ADCY9: variants seen among roughly 807,000 people sequenced by gnomAD.
The protein encoded by ADCY9 is adenylate cyclase type 9.
A neutral mutation model predicts 101.5 loss-of-function variants in ADCY9; 50 were observed. That is an observed-to-expected ratio of 0.49 (90% CI 0.39 to 0.62). The LOEUF (loss-of-function observed/expected upper bound fraction) is 0.62. Ranked by LOEUF, ADCY9 falls within the 20% of genes least tolerant of loss-of-function variation. The pLI, the probability that ADCY9 is intolerant of heterozygous loss-of-function variation, is 0.00. For synonymous variants in ADCY9, 905 were observed against 769.3 expected, an observed-to-expected ratio of 1.18 and a Z score of -2.92; for missense variants, 1,662 against 1,800.4, an observed-to-expected ratio of 0.92 and a Z score of 1.39.
chr16:3,980,710 C>T (rs2056134237), intron 7 of ADCY9, among the ~76,000 whole-genome samples: 1 of 152,334 alleles, frequency 6.6e-6, no homozygotes, highest in South Asian at 2.1e-4. Context: ...CCCTGGCTTC[C>T]TGATATTTAA....
At chr16:3,988,782 G>A (rs1229919606) in intron 6 of ADCY9, among the ~76,000 whole-genome samples, 4 of 152,298 alleles carry the variant, frequency 2.6e-5, no homozygotes, top group East Asian at 3.9e-4. Context: ...GCGAGGCTGC[G>A]CTTTAAGACA....
intron 3 of ADCY9, among the ~76,000 whole-genome samples, chr16:4,005,026 C>T (rs1294121617): frequency 3.3e-5 from 5 of 152,030 alleles, no homozygotes; most frequent in Admixed American, 2.6e-4. Flanking sequence ...GGTGTGACCA[C>T]ATTAGCCCTG....
intron 2 of ADCY9, among the ~76,000 whole-genome samples, chr16:4,073,772 G>C (rs1285607429): frequency 6.6e-6 from 1 of 152,100 alleles, no homozygotes; most frequent in Non-Finnish European, 1.5e-5. Flanking sequence ...ATTCCCAGAA[G>C]ACCTGTAGCA....
At chr16:4,061,060 T>C (rs990822962) in intron 2 of ADCY9, among the ~76,000 whole-genome samples, 1 of 150,982 alleles carries the variant, frequency 6.6e-6, no homozygotes. Flanking sequence ...AATTCTAGAG[T>C]TCAAAAGTAT....
chr16:4,101,934 G>A (rs1198271863), intron 2 of ADCY9, among the ~76,000 whole-genome samples: 1 of 152,230 alleles, frequency 6.6e-6, no homozygotes, highest in Middle Eastern at 3.4e-3. Flanking sequence ...TGCCAAGTTC[G>A]GCAGCTAGAG....
intron 3 of ADCY9, among the ~76,000 whole-genome samples, chr16:4,006,045 TA>T (rs1472470237): frequency 2.6e-5 from 4 of 152,128 alleles, no homozygotes; most frequent in Admixed American, 6.5e-5. Context: ...ACATGAGCTT[TA>T]CACATGTGCC....
chr16:4,086,532 A>G (rs1439458409), intron 2 of ADCY9, among the ~76,000 whole-genome samples: 1 of 152,130 alleles, frequency 6.6e-6, no homozygotes, highest in African/African-American at 2.4e-5. Flanking sequence ...CAGCCCAGAG[A>G]AAGTTGACAC....
intron 2 of ADCY9, among the ~76,000 whole-genome samples, chr16:4,052,843 C>G (rs1045257673): frequency 1.3e-5 from 2 of 152,148 alleles, no homozygotes; most frequent in African/African-American, 4.8e-5. Flanking sequence ...ACTGCTGGGG[C>G]GGGGTCCCGT....
At chr16:4,063,187 G>T (rs1045746703) in intron 2 of ADCY9, among the ~76,000 whole-genome samples, 2 of 152,080 alleles carry the variant, frequency 1.3e-5, no homozygotes, top group African/African-American at 4.8e-5. Flanking sequence ...ATCAAGAACA[G>T]AAATAAATTT....
chr16:4,098,366 T>A (rs1392132340), intron 2 of ADCY9, among the ~76,000 whole-genome samples: 1 of 152,002 alleles, frequency 6.6e-6, no homozygotes, highest in Non-Finnish European at 1.5e-5. Context: ...CCCGAGTAGC[T>A]GGGACTACAG....
At chr16:4,097,179 C>T (rs9783799) in intron 2 of ADCY9, among the ~76,000 whole-genome samples, 3,106 of 152,100 alleles carry the variant, frequency 0.02, 131 homozygotes, top group African/African-American at 0.071. Flanking sequence ...CTGCGCCCCA[C>T]GCCCTCAGCG....
chr16:4,088,475 C>T (rs1479079254), intron 2 of ADCY9, among the ~76,000 whole-genome samples: 1 of 151,924 alleles, frequency 6.6e-6, no homozygotes, highest in African/African-American at 2.4e-5. Flanking sequence ...CATTTTGCAG[C>T]GACAGGATTT....
chr16:4,035,871 T>C (rs1597181321), intron 2 of ADCY9, among the ~76,000 whole-genome samples: 1 of 151,762 alleles, frequency 6.6e-6, no homozygotes, highest in South Asian at 2.1e-4. Context: ...TGGTGGCACA[T>C]GATTGTAATC....
chr16:3,968,994 C>A (rs993317556), intron 10 of ADCY9, among the ~76,000 whole-genome samples: 1 of 152,106 alleles, frequency 6.6e-6, no homozygotes, highest in African/African-American at 2.4e-5. Context: ...TACAGGTGCA[C>A]GCCACCATGC....
rs1355729315 is a variant in ADCY9 at position 4,114,790 on chromosome 16, A to G, written c.653T>C (p.Leu218Ser). The change falls in exon 2 of 11, where the codon TTA becomes TCA. Residue 218 changes from leucine (L) to serine (S), a missense_variant. Around this residue, in one of 5 missense-constraint regions of ADCY9, gnomAD observed 422 missense variants for 392.0 expected, o/e 1.08. Coordinates refer to ENST00000294016, the MANE Select transcript of ADCY9 (RefSeq NM_001116.4). The surrounding 1 kb of genome is among the most constrained non-coding windows in gnomAD (Gnocchi z 4.3). ...TATARPTDTCLSQVGSFSMCI... is the reference protein window; with the variant it reads ...TATARPTDTCSSQVGSFSMCI... ...CATGGAGAAGCTCCCCACTTGAGAT[A>G]AGCAAGTATCTGTGGGCCGGGCTGT... 4 of 1,613,328 alleles carry G rather than the reference A, an allele frequency of 2.5e-6. No homozygotes were observed. Among genetic ancestry groups the G allele is most frequent in the Non-Finnish European group, 3.4e-6 (4 of 1,180,042 alleles).
At chr16:4,048,556 G>A (rs1480378953) in intron 2 of ADCY9, among the ~76,000 whole-genome samples, 2 of 152,182 alleles carry the variant, frequency 1.3e-5, no homozygotes, top group Non-Finnish European at 2.9e-5. Context: ...CACTTGTAGA[G>A]GGACACGGGT....
At chr16:3,980,780 G>T (rs548853729) in intron 7 of ADCY9, among the ~76,000 whole-genome samples, 1 of 152,202 alleles carries the variant, frequency 6.6e-6, no homozygotes, top group African/African-American at 2.4e-5. Flanking sequence ...GAATACAGAG[G>T]CCCTAGGAGG....
intron 2 of ADCY9, among the ~76,000 whole-genome samples, chr16:4,034,936 G>A (rs1325484713): frequency 1.3e-5 from 2 of 152,178 alleles, no homozygotes; most frequent in Non-Finnish European, 2.9e-5. Context: ...CCAGGTACCA[G>A]GAAATGTGTT....
intron 2 of ADCY9, among the ~76,000 whole-genome samples, chr16:4,110,376 CTTT>C (rs1170090126): frequency 8.1e-5 from 9 of 110,770 alleles, no homozygotes; most frequent in African/African-American, 2.8e-4. Context: ...CTTATACCTA[CTTT>C]TTTTTTTTTT....
Sources: allele counts gnomAD v4.1 joint callset (sites outside exome capture counted in the v4.1 genomes callset), GRCh38; gene constraint gnomAD v4.1.1; regional missense constraint gnomAD v4.1.1; non-coding constraint Gnocchi (gnomAD v3.1); transcripts MANE v1.5; gene names NCBI Gene and HGNC (gene_info 2026-07-23, HGNC 2026-07-21).